The following CFAP144 variants were observed in gnomAD, a reference collection of about 807,000 sequenced individuals.
CFAP144 encodes cilia- and flagella-associated protein 144.
the CFAP144 span, among the ~76,000 whole-genome samples, chr1:43,144,095 C>T: frequency 6.6e-6 from 1 of 152,226 alleles, no homozygotes; most frequent in Non-Finnish European, 1.5e-5. Context: ...TTCCCAATTC[C>T]TGCTTCAGCA....
chr1:43,148,071 T>A, the CFAP144 span: 2 of 1,604,318 alleles, frequency 1.2e-6, no homozygotes, highest in Non-Finnish European at 1.7e-6. Context: ...ATCACGTGAA[T>A]CCCCTCCGCA....
At chr1:43,146,885 C>T in the CFAP144 span, among the ~76,000 whole-genome samples, 2 of 152,044 alleles carry the variant, frequency 1.3e-5, no homozygotes, top group Non-Finnish European at 2.9e-5. Context: ...TCGCTCTGTC[C>T]CCCAGGCTGG....
At chr1:43,151,809 C>T in the CFAP144 span, among the ~76,000 whole-genome samples, 1 of 152,020 alleles carries the variant, frequency 6.6e-6, no homozygotes. Flanking sequence ...ACGAAGGAGG[C>T]AGATAAGTCA....
At chr1:43,147,198 A>T in the CFAP144 span, among the ~76,000 whole-genome samples, 1 of 152,224 alleles carries the variant, frequency 6.6e-6, no homozygotes, top group Non-Finnish European at 1.5e-5. Context: ...TCAAATTCAT[A>T]GAAACAAAAA....
chr1:43,153,558 G>A, the CFAP144 span, among the ~76,000 whole-genome samples: 1 of 151,996 alleles, frequency 6.6e-6, no homozygotes, highest in African/African-American at 2.4e-5. Flanking sequence ...GCAGTGGGCC[G>A]AGATCACGCC....
At chr1:43,156,062 G>T in the CFAP144 span, 9,406 of 670,700 alleles carry the variant, frequency 0.014, 239 homozygotes, top group African/African-American at 0.089. Context: ...CAACCTTTTT[G>T]ATGTACATGT....
chr1:43,154,268 T>C, the CFAP144 span, among the ~76,000 whole-genome samples: 1 of 145,164 alleles, frequency 6.9e-6, no homozygotes, highest in Admixed American at 6.9e-5. Flanking sequence ...AAATTTTATA[T>C]AAAATTATAT....
chr1:43,154,317 A>T, the CFAP144 span, among the ~76,000 whole-genome samples: 1 of 146,382 alleles, frequency 6.8e-6, no homozygotes, highest in Non-Finnish European at 1.5e-5. Context: ...ATATAAATAA[A>T]AATTATTTAT....
chr1:43,148,100 G>T, the CFAP144 span: 1 of 1,611,452 alleles, frequency 6.2e-7, no homozygotes, highest in South Asian at 1.1e-5. Context: ...AGGCACGGCG[G>T]GGTGGGGGAA....
the CFAP144 span, among the ~76,000 whole-genome samples, chr1:43,150,521 A>T: frequency 6.6e-6 from 1 of 152,358 alleles, no homozygotes; most frequent in South Asian, 2.1e-4. Context: ...AATTTTAGTT[A>T]TTCAAATTCA....
chr1:43,150,003 A>G, the CFAP144 span, among the ~76,000 whole-genome samples: 2 of 151,950 alleles, frequency 1.3e-5, no homozygotes, highest in Admixed American at 1.3e-4. Context: ...TCACGCTCAT[A>G]TGCTTCCCAC....
At chr1:43,155,635 C>G in the CFAP144 span, among the ~76,000 whole-genome samples, 1 of 152,218 alleles carries the variant, frequency 6.6e-6, no homozygotes, top group Admixed American at 6.5e-5. Context: ...GTTGGAGCTT[C>G]AGAATGAAGT....
chr1:43,147,855 T>G, the CFAP144 span: 22 of 1,556,478 alleles, frequency 1.4e-5, no homozygotes, highest in Non-Finnish European at 1.9e-5. Context: ...CGCTGTTGCC[T>G]GGAGACCACG....
At chr1:43,153,005 A>T in the CFAP144 span, 2 of 1,526,866 alleles carry the variant, frequency 1.3e-6, no homozygotes, top group Non-Finnish European at 1.8e-6. Flanking sequence ...AGAATAGAGC[A>T]GGGGGCCAGA....
At chr1:43,152,979 T>A in the CFAP144 span, 1 of 1,571,796 alleles carries the variant, frequency 6.4e-7, no homozygotes, top group South Asian at 1.2e-5. Context: ...ACAGCAGCAA[T>A]GTAAGTGGTG....
the CFAP144 span, among the ~76,000 whole-genome samples, chr1:43,154,262 TTTATATAAAA>T: frequency 8.3e-5 from 12 of 144,678 alleles, no homozygotes; most frequent in Non-Finnish European, 1.8e-4. Context: ...TAAATAAAAT[TTTATATAAAA>T]TTATATAAAA....
At chr1:43,145,418 C>T in the CFAP144 span, 1 of 740,646 alleles carries the variant, frequency 1.4e-6, no homozygotes, top group Admixed American at 2.2e-5. Flanking sequence ...GGTCTGGTTC[C>T]TCCCAGACTC....
chr1:43,147,248 T>C, the CFAP144 span, among the ~76,000 whole-genome samples: 11,175 of 152,228 alleles, frequency 0.073, 751 homozygotes, highest in East Asian at 0.29. Flanking sequence ...AAAGGGAAAC[T>C]TGTTGTTTAA....
chr1:43,147,758 C>G, the CFAP144 span: 4 of 1,440,530 alleles, frequency 2.8e-6, no homozygotes, highest in East Asian at 2.6e-5. Flanking sequence ...AATAAGATCC[C>G]GACCGGCGGG....
Sources: gnomAD v4.1 joint callset for allele counts (sites outside exome capture counted in the v4.1 genomes callset) on GRCh38, gnomAD v4.1.1 for gene constraint, MANE v1.5 for transcripts, NCBI Gene and HGNC (gene_info 2026-07-23, HGNC 2026-07-21) for gene names.